APP: variants seen among roughly 807,000 people sequenced by gnomAD.
APP encodes amyloid beta precursor protein.
APP carries 31 observed loss-of-function variants against 101.4 expected under a neutral mutation model. That is an observed-to-expected ratio of 0.31 (90% confidence interval 0.23 to 0.41). The LOEUF (loss-of-function observed/expected upper bound fraction) is 0.41, where lower values mean the gene tolerates loss of function less well. APP is among the 10% of genes least tolerant of loss of function. The pLI, the probability that APP is intolerant of heterozygous loss-of-function variation, is 1.00. For synonymous variants in APP, 366 were observed against 364.4 expected, an observed-to-expected ratio of 1.00 and a Z score of -0.05; for missense variants, 839 against 1,003.7, an observed-to-expected ratio of 0.84 and a Z score of 2.22.
At chr21:25,891,597 G>T (rs778681894) in intron 17 of APP, 125 bp downstream of exon 17, 47 of 936,766 alleles carry the variant, frequency 5.0e-5, no homozygotes, top group Non-Finnish European at 7.3e-5. Flanking sequence ...TGTAACCCAA[G>T]CATCATGGAA....
intron 3 of APP, among the ~76,000 whole-genome samples, chr21:26,086,775 G>GT (rs1169943770): frequency 1.3e-5 from 2 of 152,188 alleles, no homozygotes; most frequent in Non-Finnish European, 2.9e-5. Context: ...AACGATAGCT[G>GT]TGAGTTTCTT....
intron 13 of APP, among the ~76,000 whole-genome samples, chr21:25,929,432 CTTT>C (rs2040047161): frequency 6.6e-6 from 1 of 151,798 alleles, no homozygotes; most frequent in East Asian, 1.9e-4. Context: ...ATTTTCGTCT[CTTT>C]ATCACTTTAC....
chr21:26,115,677 T>A (rs957696678), intron 1 of APP, among the ~76,000 whole-genome samples: 1 of 152,180 alleles, frequency 6.6e-6, no homozygotes, highest in Non-Finnish European at 1.5e-5. Context: ...CAGGGTCCTA[T>A]TCAGGATCTG....
chr21:25,998,358 A>C (rs1026010007), intron 7 of APP, among the ~76,000 whole-genome samples: 1 of 150,172 alleles, frequency 6.7e-6, no homozygotes, highest in East Asian at 2.0e-4. Flanking sequence ...GAGTCCTTTG[A>C]GCCAGAAGCT....
At chr21:26,019,877 T>G (rs7281027) in intron 6 of APP, among the ~76,000 whole-genome samples, 152,371 of 152,374 alleles carry the variant, frequency 1, 76,184 homozygotes, top group Middle Eastern at 1. Flanking sequence ...GTCCTAACAG[T>G]TGTATGAAAA....
chr21:26,020,007 ATAAACT>A (rs1424637820), intron 6 of APP, among the ~76,000 whole-genome samples: 1 of 152,270 alleles, frequency 6.6e-6, no homozygotes, highest in Non-Finnish European at 1.5e-5. Flanking sequence ...GTAGGGAATG[ATAAACT>A]TAATCCATCT....
intron 3 of APP, among the ~76,000 whole-genome samples, chr21:26,086,318 T>C (rs1027956948): frequency 1.3e-5 from 2 of 152,158 alleles, no homozygotes; most frequent in African/African-American, 4.8e-5. Context: ...ATCCACTCCA[T>C]GGGAAGAAAG....
chr21:26,059,759 T>C (rs2145989628), intron 3 of APP, among the ~76,000 whole-genome samples: 1 of 151,672 alleles, frequency 6.6e-6, no homozygotes, highest in Non-Finnish European at 1.5e-5. Flanking sequence ...GGCGTGGTGG[T>C]GCATGCCTGT....
intron 1 of APP, among the ~76,000 whole-genome samples, chr21:26,128,794 G>C (rs969346818): frequency 6.6e-6 from 1 of 152,066 alleles, no homozygotes; most frequent in African/African-American, 2.4e-5. Flanking sequence ...GTATTTGACC[G>C]TGGGCCACTT....
chr21:26,110,509 T>C (rs77594683), intron 2 of APP, among the ~76,000 whole-genome samples: 6,315 of 152,208 alleles, frequency 0.041, 254 homozygotes, highest in Admixed American at 0.12. Flanking sequence ...ATTTCCACTA[T>C]TCATCATTTC....
chr21:26,083,411 A>T (rs2061636931), intron 3 of APP, among the ~76,000 whole-genome samples: 1 of 152,254 alleles, frequency 6.6e-6, no homozygotes, highest in African/African-American at 2.4e-5. Context: ...TGTTAGGTGT[A>T]AAAAGCAAGT....
intron 5 of APP, among the ~76,000 whole-genome samples, chr21:26,027,736 T>C (rs1217676558): frequency 1.3e-5 from 2 of 152,088 alleles, no homozygotes; most frequent in East Asian, 1.9e-4. Flanking sequence ...TTAAAAAACT[T>C]TGCTTACTTG....
chr21:26,106,826 C>T (rs1372486755), intron 2 of APP, among the ~76,000 whole-genome samples: 3 of 152,114 alleles, frequency 2.0e-5, no homozygotes, highest in Non-Finnish European at 2.9e-5. Flanking sequence ...TCCAGGAGTC[C>T]ACAGCTGACT....
intron 1 of APP, among the ~76,000 whole-genome samples, chr21:26,125,404 T>C (rs773853534): frequency 5.1e-4 from 78 of 152,338 alleles, no homozygotes; most frequent in Admixed American, 1.5e-3. Context: ...TCTTGTTCTT[T>C]ATTTTTCCTT....
At chr21:25,914,835 G>A (rs1036362921) in intron 13 of APP, among the ~76,000 whole-genome samples, 6 of 152,194 alleles carry the variant, frequency 3.9e-5, no homozygotes, top group Non-Finnish European at 8.8e-5. Context: ...TTACAGGCGT[G>A]AGCCACTGCA....
At position 25,881,787 on chromosome 21, in the gene APP, A is replaced by G; in HGVS notation, c.2212-16T>C. 6.2e-7 allele frequency: 1 copy of G among 1,610,284 alleles called. No homozygotes were observed. The highest frequency in any genetic ancestry group is 8.5e-7 in the Non-Finnish European group (1 of 1,177,922). ...CGGCGTCAACCTGAAAAACAAGAGGAGAGCTGAGTAAAAAATAAAAATCAA... is the reference window on the plus strand; with the variant it reads ...CGGCGTCAACCTGAAAAACAAGAGGGGAGCTGAGTAAAAAATAAAAATCAA... On this transcript the variant is annotated splice_polypyrimidine_tract_variant and intron_variant, in intron 17 of 17. Transcript: ENST00000346798.
intron 3 of APP, among the ~76,000 whole-genome samples, chr21:26,070,588 C>T (rs17001667): frequency 0.031 from 4,654 of 151,860 alleles, 223 homozygotes; most frequent in African/African-American, 0.11. Flanking sequence ...GATAATGGAG[C>T]GTAAAGCTAC....
chr21:26,051,505 T>C (rs2045839324), intron 4 of APP, among the ~76,000 whole-genome samples: 1 of 152,212 alleles, frequency 6.6e-6, no homozygotes, highest in African/African-American at 2.4e-5. Context: ...GGTGAACAGA[T>C]ACCAGAGAAT....
At chr21:25,951,905 G>A (rs1382518562) in intron 13 of APP, among the ~76,000 whole-genome samples, 2 of 152,042 alleles carry the variant, frequency 1.3e-5, no homozygotes, top group Non-Finnish European at 2.9e-5. Flanking sequence ...AATGAAAAAG[G>A]ACTATAGATG....
Sources: gnomAD v4.1 joint callset for allele counts (sites outside exome capture counted in the v4.1 genomes callset) on GRCh38, gnomAD v4.1.1 for gene constraint, MANE v1.5 for transcripts, NCBI Gene and HGNC (gene_info 2026-07-23, HGNC 2026-07-21) for gene names.